Variants in PSME4 observed in about 807,000 individuals in gnomAD.
PSME4 encodes the protein proteasome activator complex subunit 4.
PSME4 carries 89 observed loss-of-function variants against 253.9 expected under a neutral mutation model. That is an observed-to-expected ratio of 0.35 (90% CI 0.30 to 0.42). The LOEUF (loss-of-function observed/expected upper bound fraction) is 0.42, where lower values mean the gene tolerates loss of function less well. Ranked by LOEUF, PSME4 falls within the 10% of genes least tolerant of loss-of-function variation. PSME4 has a pLI of 1.00. For missense variants in PSME4, 2,014 were observed against 2,195.2 expected, an observed-to-expected ratio of 0.92 and a Z score of 1.65; for synonymous variants, 851 against 759.2, an observed-to-expected ratio of 1.12 and a Z score of -1.99.
intron 1 of PSME4, among the ~76,000 whole-genome samples, chr2:53,968,325 C>A (rs1401674688): frequency 6.6e-6 from 1 of 151,436 alleles, no homozygotes; most frequent in Non-Finnish European, 1.5e-5. Flanking sequence ...ATTTCACGCA[C>A]AAGCATACTG....
Position 53,890,122 on chromosome 2 carries a change from A to C in PSME4, c.4278T>G (p.Ala1426=). The C allele has an allele frequency of 6.2e-7, 1 of 1,613,386 alleles. No homozygotes were observed. Among genetic ancestry groups the C allele is most frequent in the African/African-American group, 1.3e-5 (1 of 75,016 alleles). The change falls in exon 37 of 47, where the codon GCT becomes GCG. Residue 1426 remains alanine (A), a synonymous_variant. Transcript: ENST00000404125. ...AACTTACACAGGATGTTGCTATACAAGCTCCCCAGTCATTATAAGTTTCTA... is the reference window on the plus strand; with the variant it reads ...AACTTACACAGGATGTTGCTATACACGCTCCCCAGTCATTATAAGTTTCTA... ...ITVETYNDWG[A]CIATSCESRD... is the part of the protein sequence containing the mutation.
At chr2:53,903,194 A>G (rs1680491844) in intron 27 of PSME4, among the ~76,000 whole-genome samples, 1 of 152,178 alleles carries the variant, frequency 6.6e-6, no homozygotes, top group South Asian at 2.1e-4. Context: ...TCGGACTCAG[A>G]TGTCTAACTG....
chr2:53,888,425 T>A, intron 38 of PSME4: 1 of 298,044 alleles, frequency 3.4e-6, no homozygotes, highest in African/African-American at 2.1e-5. Flanking sequence ...AAAAATAAGA[T>A]GTGATGAAGA....
intron 1 of PSME4, among the ~76,000 whole-genome samples, chr2:53,953,792 AATG>A (rs1466978805): frequency 6.6e-6 from 1 of 152,186 alleles, no homozygotes; most frequent in East Asian, 1.9e-4. Context: ...TTTTAGGACT[AATG>A]ATTACTATTA....
At position 53,970,638 on chromosome 2, in the gene PSME4, G is replaced by A. The variant is rs1170550663; in HGVS notation, c.147C>T (p.Asp49=). 3.2e-6 allele frequency: 5 copies of A among 1,550,172 alleles called. No individual in the cohort carries two copies. Among genetic ancestry groups the A allele is most frequent in the Non-Finnish European group, 4.4e-6 (5 of 1,146,948 alleles). Residue 49 remains aspartate (D), a synonymous_variant, in exon 1 of 47, where the codon GAC becomes GAT. Transcript: ENST00000404125. ...PYAERLDAES[D]LQLAQIKCNL... The stretch of plus-strand genomic sequence containing the variant: ...TGCATTTGATCTGGGCCAGCTGCAA[G>A]TCGGACTCGGCGTCTAGCCGCTCCG...
Position 53,949,275 on chromosome 2 carries a change from C to T in PSME4, c.251G>A (p.Arg84Gln). Residue 84 changes from arginine (R) to glutamine (Q), a missense_variant, in exon 2 of 47, where the codon CGA becomes CAA. Arg to Gln is a conservative substitution (Grantham distance 43). This residue lies in a region of PSME4 where 615 missense variants were observed against 594.4 expected (regional missense o/e 1.03). Coordinates refer to ENST00000404125, the MANE Select transcript of PSME4 (RefSeq NM_014614.3). ...TTTGCTAAATTTTCTCCCATAAAGT[C>T]GAATATATCTGCAAGAGAAAAATAG... ...FWTRKLSTYI[R>Q]LYGRKFSKED... 2 of 1,584,502 alleles carry T rather than the reference C, an allele frequency of 1.3e-6. No individual in the cohort carries two copies. The highest frequency in any genetic ancestry group is 1.1e-5 in the South Asian group (1 of 87,010).
intron 10 of PSME4, 38 bp downstream of exon 10, chr2:53,931,797 A>G (rs1458691961): frequency 1.2e-6 from 2 of 1,603,304 alleles, no homozygotes; most frequent in East Asian, 4.5e-5. Context: ...ACCAAAAGAA[A>G]AACCTAGCTG....
chr2:53,917,933 T>C (rs985368867), intron 20 of PSME4, among the ~76,000 whole-genome samples: 1 of 152,336 alleles, frequency 6.6e-6, no homozygotes, highest in Middle Eastern at 3.4e-3. Context: ...GGCAAATTCC[T>C]AAACACACTT....
chr2:53,920,338 G>A lies in PSME4; in HGVS notation c.2275C>T (p.Pro759Ser), dbSNP rs762041274. 1.2e-6 allele frequency: 2 copies of A among 1,612,412 alleles called. No individual in the cohort carries two copies. The highest frequency in any genetic ancestry group is 1.7e-5 in the Admixed American group (1 of 59,926). The stretch of plus-strand genomic sequence containing the variant: ...ATTCCCAGATTCCACAAGTCCCCGG[G>A]TTTGCCCCAGTCCTAGAAGAGAACA... ...EYFPIKDWGK[P>S]GDLWNLGIQW... The change falls in exon 19 of 47, where the codon CCC becomes TCC. Residue 759 changes from proline to serine, a missense_variant. Around this residue, in one of 4 missense-constraint regions of PSME4, gnomAD observed 989 missense variants for 1,021.1 expected, o/e 0.97. Coordinates refer to ENST00000404125, the MANE Select transcript of PSME4 (RefSeq NM_014614.3).
chr2:53,907,532 G>A (rs1680715958), intron 24 of PSME4, among the ~76,000 whole-genome samples: 1 of 152,058 alleles, frequency 6.6e-6, no homozygotes, highest in Admixed American at 6.6e-5. Flanking sequence ...CAATCTCTTT[G>A]TACTTACTGT....
intron 1 of PSME4, among the ~76,000 whole-genome samples, chr2:53,952,201 C>T (rs568678300): frequency 2.6e-5 from 4 of 152,036 alleles, no homozygotes; most frequent in South Asian, 2.1e-4. Context: ...TTTGGGAGGC[C>T]GAGGTGGGCA....
In PSME4 at chr2:53,895,714, T is replaced by C. The variant is rs749516780; in HGVS notation, c.3711A>G (p.Gln1237=). Residue 1237 remains glutamine (Q), a synonymous_variant, in exon 33 of 47, where the codon CAA becomes CAG. Coordinates refer to ENST00000404125, the MANE Select transcript of PSME4 (RefSeq NM_014614.3). The part of the protein sequence containing the change: ...CEISGCPKPT[Q]IIAGDRPDNH... ...TATCAGGCCTATCACCAGCAATAAT[T>C]TGGGTGGGTTTAGGGCATCCACCTA... The C allele has an allele frequency of 3.1e-6, 5 of 1,611,250 alleles. No homozygotes were observed. The highest frequency in any genetic ancestry group is 2.7e-5 in the African/African-American group (2 of 74,796).
chr2:53,921,653 G>T (rs1271246610), intron 17 of PSME4, among the ~76,000 whole-genome samples: 1 of 143,686 alleles, frequency 7.0e-6, no homozygotes. Context: ...CGGATCACGA[G>T]GTCAGGAGAT....
chr2:53,956,587 T>G (rs1207206283), intron 1 of PSME4, among the ~76,000 whole-genome samples: 1 of 151,854 alleles, frequency 6.6e-6, no homozygotes, highest in African/African-American at 2.4e-5. Flanking sequence ...TCTATATATT[T>G]TTTGAGATGG....
At chr2:53,915,058 A>C (rs1334205950) in intron 20 of PSME4, among the ~76,000 whole-genome samples, 1 of 152,138 alleles carries the variant, frequency 6.6e-6, no homozygotes, top group African/African-American at 2.4e-5. Context: ...TTTAGTAGCC[A>C]CTTCCCTGAA....
At chr2:53,865,755 G>T (rs992810913) in intron 46 of PSME4, 182 bp from the exon 47 acceptor site, 2 of 217,468 alleles carry the variant, frequency 9.2e-6, no homozygotes, top group Admixed American at 1.1e-4. Context: ...AGTCCTCAGG[G>T]CCACACAAAA....
chr2:53,906,750 A>C, intron 25 of PSME4, 56 bp downstream of exon 25: 1 of 1,601,002 alleles, frequency 6.2e-7, no homozygotes, highest in Admixed American at 1.8e-5. Context: ...AAAACTAAAT[A>C]CTCATCTGGA....
chr2:53,885,897 A>G (rs1679613479), intron 40 of PSME4, 122 bp from the exon 41 acceptor site: 2 of 584,000 alleles, frequency 3.4e-6, no homozygotes, highest in Non-Finnish European at 3.0e-6. Flanking sequence ...GCTATGAAAG[A>G]TATCATCTAT....
chr2:53,958,726 G>C (rs541562628), intron 1 of PSME4, among the ~76,000 whole-genome samples: 1 of 151,548 alleles, frequency 6.6e-6, no homozygotes, highest in East Asian at 1.9e-4. Context: ...TAAAAGTATG[G>C]TGTCAATGCT....
Sources: gnomAD v4.1 joint callset for allele counts (sites outside exome capture counted in the v4.1 genomes callset) on GRCh38, gnomAD v4.1.1 for gene constraint, gnomAD v4.1.1 regional missense constraint, MANE v1.5 for transcripts, NCBI Gene and HGNC (gene_info 2026-07-23, HGNC 2026-07-21) for gene names.